The following UNC5D variants were observed in gnomAD, a reference collection of about 807,000 sequenced individuals.
UNC5D encodes the protein netrin receptor UNC5D.
A neutral mutation model predicts 105.4 loss-of-function variants in UNC5D; 39 were observed. The ratio of observed to expected loss-of-function variants is 0.37; its 90% confidence interval spans 0.29 to 0.48. UNC5D has a LOEUF of 0.48. UNC5D is among the 20% of genes least tolerant of loss of function. The probability of loss-of-function intolerance (pLI) is 0.98; values close to 1 mark genes in which losing one functional copy is unlikely to be tolerated. For missense variants in UNC5D, 991 were observed against 1,202.4 expected (o/e 0.82, Z 2.60); for synonymous variants, 452 against 450.4 (o/e 1.00, Z -0.04).
At chr8:35,489,009 AT>A (rs1319148906) in intron 1 of UNC5D, among the ~76,000 whole-genome samples, 369 of 143,018 alleles carry the variant, frequency 2.6e-3, no homozygotes, top group Middle Eastern at 3.8e-3. Context: ...TCTCCCCCCA[AT>A]TTTTTTTTTT....
chr8:35,491,170 G>A (rs1811194244), intron 1 of UNC5D, among the ~76,000 whole-genome samples: 1 of 152,086 alleles, frequency 6.6e-6, no homozygotes, highest in Non-Finnish European at 1.5e-5. Context: ...TGAGTGAATT[G>A]TAAAAGTGGA....
chr8:35,590,785 G>A (rs753907432), intron 3 of UNC5D, among the ~76,000 whole-genome samples: 1 of 152,106 alleles, frequency 6.6e-6, no homozygotes, highest in African/African-American at 2.4e-5. Flanking sequence ...GTCAAGGTAC[G>A]AGTAAGTGGT....
At chr8:35,258,052 A>G (rs2128818643) in intron 1 of UNC5D, among the ~76,000 whole-genome samples, 1 of 152,308 alleles carries the variant, frequency 6.6e-6, no homozygotes, top group Admixed American at 6.5e-5. Flanking sequence ...TTTCTTGCTC[A>G]TGGTTTTGGA....
intron 1 of UNC5D, among the ~76,000 whole-genome samples, chr8:35,433,127 T>A (rs1289155354): frequency 1.3e-5 from 2 of 152,182 alleles, no homozygotes; most frequent in Non-Finnish European, 2.9e-5. Context: ...TCATTGACTA[T>A]CTTTGCATGA....
intron 4 of UNC5D, among the ~76,000 whole-genome samples, chr8:35,652,896 A>G (rs1425554226): frequency 2.3e-5 from 2 of 88,838 alleles, no homozygotes; most frequent in Admixed American, 1.2e-4. Context: ...GGTGGTCTTC[A>G]TTTTCACTAC....
Position 35,416,373 on chromosome 8 carries a change from G to A in UNC5D, c.104-132919G>A, listed in dbSNP as rs146103451. On this transcript the variant is annotated intron_variant, in intron 1 of 16. Coordinates refer to ENST00000404895, the MANE Select transcript of UNC5D (RefSeq NM_080872.4). ...CCCAGCAAAAGAAAGAAAAGTTCACGTTGTAATGCACTGATTTTTTTTCTT... is the reference window on the plus strand; with the variant it reads ...CCCAGCAAAAGAAAGAAAAGTTCACATTGTAATGCACTGATTTTTTTTCTT... Among the ~76,000 whole-genome samples, 407 of 152,172 alleles carry A rather than the reference G, an allele frequency of 2.7e-3. 2 individuals carry two copies. Among genetic ancestry groups the A allele is most frequent in the African/African-American group, 9.0e-3 (374 of 41,532 alleles).
chr8:35,712,877 G>C (rs536296880), intron 8 of UNC5D, among the ~76,000 whole-genome samples: 1 of 152,204 alleles, frequency 6.6e-6, no homozygotes, highest in African/African-American at 2.4e-5. Context: ...TCTAACCACT[G>C]TCTCAAACTC....
intron 4 of UNC5D, among the ~76,000 whole-genome samples, chr8:35,664,500 G>C (rs567622176): frequency 4.6e-5 from 7 of 151,594 alleles, no homozygotes; most frequent in Non-Finnish European, 8.8e-5. Context: ...CTCAGCCTCC[G>C]AGTAGCTGGA....
chr8:35,604,418 T>G (rs1174390906), intron 4 of UNC5D, among the ~76,000 whole-genome samples: 2 of 152,234 alleles, frequency 1.3e-5, no homozygotes, highest in East Asian at 3.9e-4. Context: ...GATCAGCTGT[T>G]AGTCTGATGG....
chr8:35,444,675 G>T (rs948726725), intron 1 of UNC5D, among the ~76,000 whole-genome samples: 1 of 151,952 alleles, frequency 6.6e-6, no homozygotes, highest in African/African-American at 2.4e-5. Flanking sequence ...GTGGACCCAG[G>T]ATGGAAATTT....
chr8:35,404,876 C>A (rs1341442592), intron 1 of UNC5D, among the ~76,000 whole-genome samples: 1 of 152,140 alleles, frequency 6.6e-6, no homozygotes, highest in African/African-American at 2.4e-5. Flanking sequence ...AGGAGTGAGC[C>A]ACCGCGCCTG....
At chr8:35,465,549 C>T (rs1276483248) in intron 1 of UNC5D, among the ~76,000 whole-genome samples, 3 of 152,162 alleles carry the variant, frequency 2.0e-5, no homozygotes, top group Admixed American at 2.0e-4. Context: ...AGTCTCAATC[C>T]TTTTCTTTTC....
intron 1 of UNC5D, among the ~76,000 whole-genome samples, chr8:35,444,641 A>G (rs975881326): frequency 2.6e-5 from 4 of 152,010 alleles, no homozygotes; most frequent in African/African-American, 4.8e-5. Flanking sequence ...AGGAAGATCA[A>G]TGGCAACAGA....
chr8:35,417,254 C>T (rs2128962630), intron 1 of UNC5D, among the ~76,000 whole-genome samples: 1 of 148,528 alleles, frequency 6.7e-6, no homozygotes, highest in Non-Finnish European at 1.5e-5. Context: ...ACCCTTCTCA[C>T]CTTCTGGTAG....
chr8:35,780,506 G>A (rs1253433390), intron 16 of UNC5D, among the ~76,000 whole-genome samples: 1 of 152,302 alleles, frequency 6.6e-6, no homozygotes, highest in East Asian at 1.9e-4. Context: ...ATCTGTTTCT[G>A]AATAACTGTT....
intron 1 of UNC5D, among the ~76,000 whole-genome samples, chr8:35,338,103 T>C (rs1261045178): frequency 6.6e-6 from 1 of 152,178 alleles, no homozygotes; most frequent in Non-Finnish European, 1.5e-5. Flanking sequence ...ACGTCTGTGG[T>C]TTCTTGCAAC....
At chr8:35,429,566 A>C (rs918118285) in intron 1 of UNC5D, among the ~76,000 whole-genome samples, 22 of 152,180 alleles carry the variant, frequency 1.4e-4, no homozygotes, top group Non-Finnish European at 3.2e-4. Flanking sequence ...ATTAAAGATA[A>C]AAATATTACT....
intron 1 of UNC5D, among the ~76,000 whole-genome samples, chr8:35,349,956 G>T (rs922366551): frequency 6.6e-6 from 1 of 151,940 alleles, no homozygotes; most frequent in Non-Finnish European, 1.5e-5. Flanking sequence ...CAGCACCAGC[G>T]GTTGTGTCTA....
At chr8:35,709,510 T>C (rs904436973) in intron 8 of UNC5D, among the ~76,000 whole-genome samples, 1 of 151,950 alleles carries the variant, frequency 6.6e-6, no homozygotes, top group East Asian at 1.9e-4. Context: ...GTCAACATGG[T>C]GAAACCTCAC....
Sources: allele counts gnomAD v4.1 joint callset (sites outside exome capture counted in the v4.1 genomes callset), GRCh38; gene constraint gnomAD v4.1.1; transcripts MANE v1.5; gene names NCBI Gene and HGNC (gene_info 2026-07-23, HGNC 2026-07-21).